SYNE1: variants seen among roughly 807,000 people sequenced by gnomAD.
The protein encoded by SYNE1 is spectrin repeat containing nuclear envelope protein 1, also known as nesprin-1.
A neutral mutation model predicts 1,111.0 loss-of-function variants in SYNE1; 616 were observed. That is an observed-to-expected ratio of 0.55 (90% CI 0.52 to 0.59). The LOEUF is 0.59. SYNE1 is among the 20% of genes least tolerant of loss of function. The probability of loss-of-function intolerance (pLI) is 0.00; values close to 1 mark genes in which losing one functional copy is unlikely to be tolerated. For synonymous variants in SYNE1, 3,855 were observed against 3,825.8 expected, an observed-to-expected ratio of 1.01 and a Z score of -0.28; for missense variants, 10,006 against 10,417.0, an observed-to-expected ratio of 0.96 and a Z score of 1.72.
rs1244219032 is a variant in SYNE1, at chr6:152,430,599, G to A, written c.4572C>T (p.Ala1524=). 8 of 1,613,966 alleles carry A rather than the reference G, an allele frequency of 5.0e-6. No homozygotes were observed. In the Admixed American group the frequency reaches 1.3e-4, roughly 27 times the overall value. The change falls in exon 35 of 146, where the codon GCC becomes GCT. Residue 1524 remains alanine (A), a synonymous_variant. Coordinates refer to ENST00000367255, the MANE Select transcript of SYNE1 (RefSeq NM_182961.4). ...VTTGESARIK[A]KLTQIRRYGE... ...CGTATCTTCTTATTTGTGTCAACTT[G>A]GCTTTAATTCGAGCAGATTCTCCAG...
intron 127 of SYNE1, among the ~76,000 whole-genome samples, chr6:152,190,023 T>A (rs2071765764): frequency 6.6e-6 from 1 of 152,250 alleles, no homozygotes; most frequent in African/African-American, 2.4e-5. Flanking sequence ...TGCTACTTTA[T>A]CAACTAAGTT....
At chr6:152,155,134 C>A in intron 132 of SYNE1, 92 bp from the exon 133 acceptor site, 1 of 1,498,304 alleles carries the variant, frequency 6.7e-7, no homozygotes, top group Non-Finnish European at 9.3e-7. Context: ...ATTAAGGGTG[C>A]CCACAGAGGC....
chr6:152,384,429 A>C (rs1467352807), intron 55 of SYNE1, among the ~76,000 whole-genome samples: 2 of 152,240 alleles, frequency 1.3e-5, no homozygotes, highest in African/African-American at 4.8e-5. Context: ...TGGATGAATA[A>C]ATCAGAATAT....
chr6:152,368,304 T>C (rs1004552973), intron 61 of SYNE1: 9 of 152,964 alleles, frequency 5.9e-5, no homozygotes, highest in African/African-American at 1.9e-4. Context: ...AAAATGGGTC[T>C]ACGTTACCAT....
intron 32 of SYNE1, among the ~76,000 whole-genome samples, chr6:152,437,779 C>A (rs1318200409): frequency 1.3e-5 from 2 of 152,114 alleles, no homozygotes; most frequent in Non-Finnish European, 2.9e-5. Context: ...CTCCCTTCTC[C>A]TAAATGAATA....
At chr6:152,312,306 T>C (rs1366718986) in intron 87 of SYNE1, among the ~76,000 whole-genome samples, 2 of 149,492 alleles carry the variant, frequency 1.3e-5, no homozygotes, top group African/African-American at 4.9e-5. Flanking sequence ...ATCTCCTGGG[T>C]TCAAGCGATT....
intron 3 of SYNE1, among the ~76,000 whole-genome samples, chr6:152,601,391 C>A (rs1371237751): frequency 2.0e-5 from 3 of 152,180 alleles, no homozygotes; most frequent in African/African-American, 2.4e-5. Flanking sequence ...TTTAGGCAAA[C>A]CAAAGAAGAA....
intron 70 of SYNE1, among the ~76,000 whole-genome samples, chr6:152,351,017 T>C (rs186716929): frequency 8.3e-4 from 127 of 152,368 alleles, no homozygotes; most frequent in Admixed American, 2.9e-3. Context: ...GAAATAGTTA[T>C]ATTTGTCTAA....
chr6:152,322,936 G>A (rs184827210), intron 82 of SYNE1, among the ~76,000 whole-genome samples: 100 of 152,184 alleles, frequency 6.6e-4, no homozygotes, highest in African/African-American at 2.1e-3. Context: ...AGCTCTCTGC[G>A]GCTTGACTGT....
At chr6:152,536,485 TATATTAAG>T (rs2099243477) in intron 4 of SYNE1, among the ~76,000 whole-genome samples, 1 of 143,878 alleles carries the variant, frequency 7.0e-6, no homozygotes, top group Non-Finnish European at 1.5e-5. Flanking sequence ...TATAGTAATA[TATATTAAG>T]TGTACTAACA....
At chr6:152,587,176 T>A (rs1035805796) in intron 3 of SYNE1, among the ~76,000 whole-genome samples, 3 of 152,158 alleles carry the variant, frequency 2.0e-5, no homozygotes, top group Non-Finnish European at 4.4e-5. Context: ...GATACTCCTA[T>A]CCTAAAGATT....
Position 152,220,859 on chromosome 6 carries a change from A to C in SYNE1, c.21844T>G (p.Trp7282Gly). The change falls in exon 119 of 146, where the codon TGG (tryptophan) becomes GGG (glycine). Residue 7282 changes from tryptophan to glycine, a missense_variant. By Grantham distance (184) the Trp-to-Gly change is radical. Transcript: ENST00000367255. The stretch of plus-strand genomic sequence containing the variant: ...GAACATACGTTGCAATCTTGAATCC[A>C]TGTGGCAACCTCATCATCGGCAATG... ...KDIADDEVAT[W>G]IQDCNDLLKG... 6.2e-7 allele frequency: 1 copy of C among 1,613,934 alleles called. No homozygotes were observed. The highest frequency in any genetic ancestry group is 1.3e-5 in the African/African-American group (1 of 75,046).
In SYNE1 at chr6:152,323,611, C is replaced by T. The variant is rs552970298; in HGVS notation, c.15784G>A (p.Glu5262Lys). 1 of 1,614,210 alleles carries T rather than the reference C, an allele frequency of 6.2e-7. No homozygotes were observed. The highest frequency in any genetic ancestry group is 1.3e-5 in the African/African-American group (1 of 75,064). ...ATGCCCAAGGCCGACTGCTGCTGCT[C>T]CAGCTCCAGAACGAACGTGTCGTGG... is the stretch of plus-strand genomic sequence containing the variant. ...EYHDTFVLEL[E>K]QQQSALGMLR... The change falls in exon 82 of 146, where the codon GAG becomes AAG. Residue 5262 changes from glutamate (E) to lysine (K), a missense_variant. Physicochemically the swap from Glu to Lys is moderately conservative, Grantham distance 56. Transcript: ENST00000367255.
At chr6:152,615,320 G>A (rs2099642815) in intron 3 of SYNE1, among the ~76,000 whole-genome samples, 1 of 151,976 alleles carries the variant, frequency 6.6e-6, no homozygotes, top group African/African-American at 2.4e-5. Flanking sequence ...AATATTATTA[G>A]CCGTCTTCCA....
At position 152,330,507 on chromosome 6, in the gene SYNE1, A is replaced by T; in HGVS notation, c.14178T>A (p.Leu4726=). The change falls in exon 78 of 146, where the codon CTT becomes CTA. Residue 4726 remains leucine, a synonymous_variant. Coordinates refer to ENST00000367255, the MANE Select transcript of SYNE1 (RefSeq NM_182961.4). ...CRAILDEVAG[L]GEAVDELNQK... ...GGTTCAGTTCATCCACCGCCTCCCC[A>T]AGGCCCGCCACCTCGTCCAGAATGG... 1 of 1,614,076 alleles carries T rather than the reference A, an allele frequency of 6.2e-7. No individual in the cohort carries two copies. The highest frequency in any genetic ancestry group is 8.5e-7 in the Non-Finnish European group (1 of 1,180,008).
chr6:152,161,047 T>C (rs1321965397), intron 131 of SYNE1, among the ~76,000 whole-genome samples: 1 of 151,262 alleles, frequency 6.6e-6, no homozygotes, highest in Non-Finnish European at 1.5e-5. Context: ...GAGAGAAATA[T>C]AGACATAAAC....
chr6:152,510,878 G>A (rs745975056), intron 7 of SYNE1, 133 bp downstream of exon 7: 8 of 854,934 alleles, frequency 9.4e-6, no homozygotes, highest in Admixed American at 3.4e-5. Context: ...AACAACGTAT[G>A]TGTGAAAGGT....
At chr6:152,357,583 A>C (rs1477397706) in intron 66 of SYNE1, among the ~76,000 whole-genome samples, 2 of 152,128 alleles carry the variant, frequency 1.3e-5, no homozygotes, top group African/African-American at 2.4e-5. Context: ...TCCTTAAGGT[A>C]AGTTTATGGG....
chr6:152,497,083 TC>T (rs1189775622), intron 11 of SYNE1, among the ~76,000 whole-genome samples: 2 of 152,206 alleles, frequency 1.3e-5, no homozygotes, highest in Non-Finnish European at 2.9e-5. Flanking sequence ...TTTTTCAAAC[TC>T]AGTCTGCCTG....
Sources: gnomAD v4.1 joint callset for allele counts (sites outside exome capture counted in the v4.1 genomes callset) on GRCh38, gnomAD v4.1.1 for gene constraint, MANE v1.5 for transcripts, NCBI Gene and HGNC (gene_info 2026-07-23, HGNC 2026-07-21) for gene names.